WNT1: variants seen among roughly 807,000 people sequenced by gnomAD.
WNT1 encodes Wnt family member 1, also known as proto-oncogene Wnt-1.
WNT1 carries 10 observed loss-of-function variants against 21.3 expected under a neutral mutation model. That is an observed-to-expected ratio of 0.47 (90% CI 0.29 to 0.80). The LOEUF is 0.80. Among genes scored for constraint, WNT1 ranks in the 30% least tolerant of loss-of-function variants. WNT1 has a pLI of 0.09. For synonymous variants in WNT1, 208 were observed against 236.3 expected (o/e 0.88, Z 1.10); for missense variants, 476 against 534.1 (o/e 0.89, Z 1.07).
In WNT1 at chr12:48,981,485, C is replaced by T; in HGVS notation, c.958C>T (p.Pro320Ser). The T allele has an allele frequency of 6.4e-7, 1 of 1,553,006 alleles. No homozygotes were observed. The highest frequency in any genetic ancestry group is 8.7e-7 in the Non-Finnish European group (1 of 1,148,566). Residue 320 changes from proline (P) to serine (S), a missense_variant, in exon 4 of 4, where the codon CCC (proline) becomes TCC (serine). Physicochemically the swap from Pro to Ser is moderately conservative, Grantham distance 74. Coordinates refer to ENST00000293549, the MANE Select transcript of WNT1 (RefSeq NM_005430.4). This position sits in a 1 kb window ranked among gnomAD's most constrained non-coding sequence, Gnocchi z 7.4. ...AGGGCGCGCCTGTAACAGCTCGTCGCCCGCGCTGGACGGCTGCGAGCTGCT... is the reference window on the plus strand; with the variant it reads ...AGGGCGCGCCTGTAACAGCTCGTCGTCCGCGCTGGACGGCTGCGAGCTGCT... Reference protein sequence around the residue: ...TAGRACNSSSPALDGCELLCC... With the variant: ...TAGRACNSSSSALDGCELLCC...
chr12:48,981,844 A>C lies in WNT1; in HGVS notation c.*204A>C, dbSNP rs1941019820. 6.6e-6 allele frequency among the ~76,000 whole-genome samples: 1 copy of C among 152,040 alleles called. No homozygotes were observed. ...CTGGGGCGGCATGAACCCTCTTGCCATCCTGATGGACCTGCCCCGGACCTA... is the reference window on the plus strand; with the variant it reads ...CTGGGGCGGCATGAACCCTCTTGCCCTCCTGATGGACCTGCCCCGGACCTA... On this transcript the variant is annotated 3_prime_UTR_variant, in exon 4 of 4. Coordinates refer to ENST00000293549, the MANE Select transcript of WNT1 (RefSeq NM_005430.4). This position sits in a 1 kb window ranked among gnomAD's most constrained non-coding sequence, Gnocchi z 7.4.
Position 48,979,810 on chromosome 12 carries a change from C to G in WNT1, c.358+89C>G, listed in dbSNP as rs912455992. ...GGGCGGGCGAGTTCAGAGAAGGTGT[C>G]CCAGGCGCCTGGAGGGTCACACAAT... On this transcript the variant is annotated intron_variant, in intron 2 of 3. Coordinates refer to ENST00000293549, the MANE Select transcript of WNT1 (RefSeq NM_005430.4). The surrounding 1 kb of genome is among the most constrained non-coding windows in gnomAD (Gnocchi z 6.0). 20 of 1,446,284 alleles carry G rather than the reference C, an allele frequency of 1.4e-5. No homozygotes were observed. The highest frequency in any genetic ancestry group is 1.7e-5 in the Non-Finnish European group (19 of 1,101,938). The allele number at this position is 1,446,284 out of a possible 1,614,324, so 89.6% of individuals were successfully genotyped here. A position where few individuals can be genotyped will look rare whatever the true frequency, so the allele number is the denominator to read the frequency against.
Position 48,979,630 on chromosome 12 carries a change from C to A in WNT1, c.267C>A (p.Ala89=), listed in dbSNP as rs369711501. ...GCGTGAGTGGGGGGCTGCAGAGTGCCGTGCGCGAGTGCAAGTGGCAGTTCC... is the reference window on the plus strand; with the variant it reads ...GCGTGAGTGGGGGGCTGCAGAGTGCAGTGCGCGAGTGCAAGTGGCAGTTCC... The part of the protein sequence containing the change: ...LHSVSGGLQS[A]VRECKWQFRN... Residue 89 remains alanine (A), a synonymous_variant, in exon 2 of 4, where the codon GCC becomes GCA. Coordinates refer to ENST00000293549, the MANE Select transcript of WNT1 (RefSeq NM_005430.4). The surrounding 1 kb of genome is among the most constrained non-coding windows in gnomAD (Gnocchi z 6.0). 1 of 1,613,936 alleles carries A rather than the reference C, an allele frequency of 6.2e-7. No individual in the cohort carries two copies. Among genetic ancestry groups the A allele is most frequent in the Non-Finnish European group, 8.5e-7 (1 of 1,179,934 alleles).
At position 48,978,976 on chromosome 12, in the gene WNT1, G is replaced by A. The variant is rs181025739; in HGVS notation, c.104+222G>A. Among the ~76,000 whole-genome samples the A allele has an allele frequency of 1.5e-3, 234 of 152,352 alleles. No individual in the cohort carries two copies. Among genetic ancestry groups the A allele is most frequent in the Admixed American group, 5.2e-3 (80 of 15,310 alleles). ...CCCGCGGAGGCCTAAGATACCCCAG[G>A]CAGGGAGCCCACTCTCATCTAGCAC... On this transcript the variant is annotated intron_variant, in intron 1 of 3. Transcript: ENST00000293549. This position sits in a 1 kb window ranked among gnomAD's most constrained non-coding sequence, Gnocchi z 7.4.
rs1334864357 is a variant in WNT1 at position 48,979,356 on chromosome 12, TC to T, written c.105-109del. On this transcript the variant is annotated intron_variant, in intron 1 of 3. Transcript: ENST00000293549. This position sits in a 1 kb window ranked among gnomAD's most constrained non-coding sequence, Gnocchi z 6.0. ...CCTGGGAGAGCGGGTATTATTAATC[TC>T]CCGCCATTCTCTCCAGCCACATACC... The T allele has an allele frequency of 1.0e-5, 14 of 1,353,262 alleles. No homozygotes were observed. Among genetic ancestry groups the T allele is most frequent in the Middle Eastern group, 1.9e-4 (1 of 5,144 alleles). The allele number at this position is 1,353,262 out of a possible 1,614,324, so 83.8% of individuals were successfully genotyped here.
Position 48,980,509 on chromosome 12 carries a change from C to T in WNT1, c.444C>T (p.Ile148=). Residue 148 remains isoleucine (I), a synonymous_variant, in exon 3 of 4, where the codon ATC becomes ATT. Coordinates refer to ENST00000293549, the MANE Select transcript of WNT1 (RefSeq NM_005430.4). This position sits in a 1 kb window ranked among gnomAD's most constrained non-coding sequence, Gnocchi z 7.0. ...CGCGCTCCTGCTCAGAAGGTTCCAT[C>T]GAATCCTGCACGTGTGACTACCGGC... ...SVARSCSEGS[I]ESCTCDYRRR... 4 of 1,614,178 alleles carry T rather than the reference C, an allele frequency of 2.5e-6. No homozygotes were observed. The highest frequency in any genetic ancestry group is 1.7e-6 in the Non-Finnish European group (2 of 1,180,012).
In WNT1 at chr12:48,981,768, C is replaced by A; in HGVS notation, c.*128C>A. 1 of 1,264,808 alleles carries A rather than the reference C, an allele frequency of 7.9e-7. No individual in the cohort carries two copies. The highest frequency in any genetic ancestry group is 2.9e-5 in the East Asian group (1 of 34,102). 78.3% of individuals were successfully genotyped at this position (1,264,808 alleles called of 1,614,324 possible). On this transcript the variant is annotated 3_prime_UTR_variant, in exon 4 of 4. Coordinates refer to ENST00000293549, the MANE Select transcript of WNT1 (RefSeq NM_005430.4). This position sits in a 1 kb window ranked among gnomAD's most constrained non-coding sequence, Gnocchi z 7.4. ...AGTCACACTCCCCGCGGTTCATACG[C>A]ATCCCATCTCTCCCACTTCCTCCTA...
Position 48,979,394 on chromosome 12 carries a change from G to A in WNT1, c.105-74G>A, listed in dbSNP as rs1940980338. ...TCCAGCCACATACCCCCAGGAAGAG[G>A]ACCGGGTGGCACAGTTTTTATGGTT... On this transcript the variant is annotated intron_variant, in intron 1 of 3. Transcript: ENST00000293549. The surrounding 1 kb of genome is among the most constrained non-coding windows in gnomAD (Gnocchi z 6.0). The A allele has an allele frequency of 4.6e-6, 7 of 1,513,862 alleles. No individual in the cohort carries two copies. The East Asian group carries it at 1.6e-4, about 35-fold the overall frequency. The allele number at this position is 1,513,862 out of a possible 1,614,324, so 93.8% of individuals were successfully genotyped here.
At position 48,981,193 on chromosome 12, in the gene WNT1, G is replaced by A; in HGVS notation, c.666G>A (p.Gly222=). 4 of 1,612,478 alleles carry A rather than the reference G, an allele frequency of 2.5e-6. No individual in the cohort carries two copies. The highest frequency in any genetic ancestry group is 3.4e-6 in the Non-Finnish European group (4 of 1,179,656). ...TGCGCCAGGAGTGCAAGTGCCACGGGATGTCCGGCTCATGCACGGTGCGCA... is the reference window on the plus strand; with the variant it reads ...TGCGCCAGGAGTGCAAGTGCCACGGAATGTCCGGCTCATGCACGGTGCGCA... ...SEMRQECKCH[G]MSGSCTVRTC... is the part of the protein sequence containing the mutation. Residue 222 remains glycine (G), a synonymous_variant, in exon 4 of 4, where the codon GGG becomes GGA. Transcript: ENST00000293549. The surrounding 1 kb of genome is among the most constrained non-coding windows in gnomAD (Gnocchi z 7.4).
chr12:48,980,531 C>G lies in WNT1; in HGVS notation c.466C>G (p.Arg156Gly), dbSNP rs746877791. The G allele has an allele frequency of 6.2e-7, 1 of 1,613,622 alleles. No homozygotes were observed. Among genetic ancestry groups the G allele is most frequent in the Non-Finnish European group, 8.5e-7 (1 of 1,179,784 alleles). Residue 156 changes from arginine (R) to glycine (G), a missense_variant, in exon 3 of 4, where the codon CGG becomes GGG. Transcript: ENST00000293549. The surrounding 1 kb of genome is among the most constrained non-coding windows in gnomAD (Gnocchi z 7.0). ...GSIESCTCDY[R>G]RRGPGGPDWH... The stretch of plus-strand genomic sequence containing the variant: ...CATCGAATCCTGCACGTGTGACTAC[C>G]GGCGGCGCGGCCCCGGGGGCCCCGA...
chr12:48,980,527 C>T lies in WNT1; in HGVS notation c.462C>T (p.Asp154=), dbSNP rs777725221. 27 of 1,613,742 alleles carry T rather than the reference C, an allele frequency of 1.7e-5. No individual in the cohort carries two copies. The South Asian group carries it at 2.7e-4, about 16-fold the overall frequency. ...GTTCCATCGAATCCTGCACGTGTGA[C>T]TACCGGCGGCGCGGCCCCGGGGGCC... The part of the protein sequence containing the change: ...SEGSIESCTC[D]YRRRGPGGPD... The change falls in exon 3 of 4, where the codon GAC becomes GAT. Residue 154 remains aspartate, a synonymous_variant. Transcript: ENST00000293549. This position sits in a 1 kb window ranked among gnomAD's most constrained non-coding sequence, Gnocchi z 7.0.
rs762859463 is a variant in WNT1 at position 48,979,544 on chromosome 12, C to A, written c.181C>A (p.Leu61Met). Residue 61 changes from leucine to methionine, a missense_variant, in exon 2 of 4, where the codon CTG becomes ATG. By Grantham distance (15) the Leu-to-Met change is conservative. Coordinates refer to ENST00000293549, the MANE Select transcript of WNT1 (RefSeq NM_005430.4). This position sits in a 1 kb window ranked among gnomAD's most constrained non-coding sequence, Gnocchi z 6.0. ...TCTGCAACTGGTACTCGAGCCCAGTCTGCAGCTGTTGAGCCGCAAACAGCG... is the reference window on the plus strand; with the variant it reads ...TCTGCAACTGGTACTCGAGCCCAGTATGCAGCTGTTGAGCCGCAAACAGCG... ...KSLQLVLEPS[L>M]QLLSRKQRRL... is the part of the protein sequence containing the mutation. 1.9e-6 allele frequency: 3 copies of A among 1,614,004 alleles called. No homozygotes were observed. The highest frequency in any genetic ancestry group is 2.5e-6 in the Non-Finnish European group (3 of 1,180,050).
rs1468031278 is a variant in WNT1 at position 48,980,487 on chromosome 12, G to C, written c.422G>C (p.Arg141Pro). 1 of 1,614,188 alleles carries C rather than the reference G, an allele frequency of 6.2e-7. No homozygotes were observed. Among genetic ancestry groups the C allele is most frequent in the East Asian group, 2.2e-5 (1 of 44,878 alleles). Residue 141 changes from arginine to proline, a missense_variant, in exon 3 of 4, where the codon CGC (arginine) becomes CCC (proline). Coordinates refer to ENST00000293549, the MANE Select transcript of WNT1 (RefSeq NM_005430.4). This position sits in a 1 kb window ranked among gnomAD's most constrained non-coding sequence, Gnocchi z 7.0. ...GCCGGGGTCACCCATTCGGTGGCGC[G>C]CTCCTGCTCAGAAGGTTCCATCGAA... is the stretch of plus-strand genomic sequence containing the variant. ...TSAGVTHSVA[R>P]SCSEGSIESC...
Position 48,981,030 on chromosome 12 carries a change from G to A in WNT1, c.625-122G>A, listed in dbSNP as rs1941005581. The A allele has an allele frequency of 6.9e-7, 1 of 1,455,796 alleles. No homozygotes were observed. The highest frequency in any genetic ancestry group is 9.2e-7 in the Non-Finnish European group (1 of 1,092,376). The allele number at this position is 1,455,796 out of a possible 1,614,324, so 90.2% of individuals were successfully genotyped here. A position where few individuals can be genotyped will look rare whatever the true frequency, so the allele number is the denominator to read the frequency against. On this transcript the variant is annotated intron_variant, in intron 3 of 3. Transcript: ENST00000293549. The surrounding 1 kb of genome is among the most constrained non-coding windows in gnomAD (Gnocchi z 7.4). Reference sequence around the variant, plus strand: ...ACATTTCGCGCCTCCCTTCCCCTGGGCTCAGCTAGGCCTGGGCCTTTGCTG... The same window carrying A: ...ACATTTCGCGCCTCCCTTCCCCTGGACTCAGCTAGGCCTGGGCCTTTGCTG...
rs1705635556 is a variant in WNT1 at position 48,979,727 on chromosome 12, T to A, written c.358+6T>A. The A allele has an allele frequency of 6.3e-7, 1 of 1,579,888 alleles. No individual in the cohort carries two copies. The highest frequency in any genetic ancestry group is 1.1e-5 in the South Asian group (1 of 88,524). ...CGGCAAGATCGTCAACCGAGGTGGG[T>A]GCCCAGGAAGGCGACGCTTCCGGGA... On this transcript the variant is annotated splice_donor_region_variant and intron_variant, in intron 2 of 3. Coordinates refer to ENST00000293549, the MANE Select transcript of WNT1 (RefSeq NM_005430.4). This position sits in a 1 kb window ranked among gnomAD's most constrained non-coding sequence, Gnocchi z 6.0.
chr12:48,980,545 C>CG lies in WNT1; in HGVS notation c.485dup (p.Asp164ArgfsTer12). The CG allele has an allele frequency of 6.2e-7, 1 of 1,612,806 alleles. No homozygotes were observed. The highest frequency in any genetic ancestry group is 8.5e-7 in the Non-Finnish European group (1 of 1,179,514). ...CGTGTGACTACCGGCGGCGCGGCCC[C>CG]GGGGGCCCCGACTGGCACTGGGGGG... On this transcript the variant is annotated frameshift_variant, in exon 3 of 4. Transcript: ENST00000293549. LOFTEE classifies it high-confidence loss of function. The surrounding 1 kb of genome is among the most constrained non-coding windows in gnomAD (Gnocchi z 7.0).
Position 48,981,521 on chromosome 12 carries a change from AG to A in WNT1, c.998del (p.Gly333AlafsTer60). 6.5e-7 allele frequency: 1 copy of A among 1,546,730 alleles called. No individual in the cohort carries two copies. Among genetic ancestry groups the A allele is most frequent in the Non-Finnish European group, 8.7e-7 (1 of 1,145,610 alleles). On this transcript the variant is annotated frameshift_variant, in exon 4 of 4. Coordinates refer to ENST00000293549, the MANE Select transcript of WNT1 (RefSeq NM_005430.4). LOFTEE classifies it high-confidence loss of function. The surrounding 1 kb of genome is among the most constrained non-coding windows in gnomAD (Gnocchi z 7.4). ...CGGCTGCGAGCTGCTCTGCTGCGGC[AG>A]GGGCCACCGCACGCGCACGCAGCGC... ...LDGCELLCCG[R>X]GHRTRTQRVT... is the part of the protein sequence containing the mutation.
rs562579083 is a variant in WNT1, at chr12:48,981,386, C to G, written c.859C>G (p.His287Asp). Residue 287 changes from histidine (H) to aspartate (D), a missense_variant, in exon 4 of 4, where the codon CAC becomes GAC. Coordinates refer to ENST00000293549, the MANE Select transcript of WNT1 (RefSeq NM_005430.4). This position sits in a 1 kb window ranked among gnomAD's most constrained non-coding sequence, Gnocchi z 7.4. ...CCCGGCCCACAAACCGCCCTCCCCCCACGACCTCGTCTACTTCGAGAAATC... is the reference window on the plus strand; with the variant it reads ...CCCGGCCCACAAACCGCCCTCCCCCGACGACCTCGTCTACTTCGAGAAATC... ...EDPAHKPPSPHDLVYFEKSPN... is the reference protein window; with the variant it reads ...EDPAHKPPSPDDLVYFEKSPN... 27 of 1,578,094 alleles carry G rather than the reference C, an allele frequency of 1.7e-5. No homozygotes were observed. The East Asian group carries it at 3.5e-4, about 21-fold the overall frequency.
rs769853984 is a variant in WNT1 at position 48,980,429 on chromosome 12, C to A, written c.364C>A (p.Arg122=). ...LFGKIVNRGC[R]ETAFIFAITS... is the part of the protein sequence containing the mutation. ...CCCGCTCCCTTCTCCCACAGGCTGT[C>A]GAGAAACGGCGTTTATCTTCGCTAT... The change falls in exon 3 of 4, where the codon CGA becomes AGA. Residue 122 remains arginine (R), a synonymous_variant. Coordinates refer to ENST00000293549, the MANE Select transcript of WNT1 (RefSeq NM_005430.4). This position sits in a 1 kb window ranked among gnomAD's most constrained non-coding sequence, Gnocchi z 7.0. The A allele has an allele frequency of 2.5e-6, 4 of 1,614,212 alleles. No individual in the cohort carries two copies. The highest frequency in any genetic ancestry group is 3.4e-6 in the Non-Finnish European group (4 of 1,180,042).
Sources: gnomAD v4.1 joint callset for allele counts (sites outside exome capture counted in the v4.1 genomes callset) on GRCh38, gnomAD v4.1.1 for gene constraint, Gnocchi (gnomAD v3.1) non-coding constraint, MANE v1.5 for transcripts, NCBI Gene and HGNC (gene_info 2026-07-23, HGNC 2026-07-21) for gene names.